ERBB4: variants seen among roughly 807,000 people sequenced by gnomAD.
The protein encoded by ERBB4 is receptor tyrosine-protein kinase erbB-4.
In ERBB4, 42 loss-of-function variants were observed where a neutral mutation model predicts 158.0. That is an observed-to-expected ratio of 0.27 (90% CI 0.21 to 0.34). The LOEUF is 0.34. Among genes scored for constraint, ERBB4 ranks in the 10% least tolerant of loss-of-function variants. ERBB4 has a pLI of 1.00. For missense variants in ERBB4, 1,333 were observed against 1,624.1 expected (o/e 0.82, Z 3.08); for synonymous variants, 583 against 558.7 (o/e 1.04, Z -0.61).
At chr2:211,502,614 G>A (rs1255928499) in intron 20 of ERBB4, among the ~76,000 whole-genome samples, 2 of 152,098 alleles carry the variant, frequency 1.3e-5, no homozygotes, top group East Asian at 3.8e-4. Flanking sequence ...GACTTAGAGA[G>A]TTCTACTGTG....
In ERBB4 at chr2:211,944,223, C is replaced by CAT. The variant is rs775435175; in HGVS notation, c.421+3206_421+3207insAT. On this transcript the variant is annotated intron_variant, in intron 3 of 27. Coordinates refer to ENST00000342788, the MANE Select transcript of ERBB4 (RefSeq NM_005235.3). ...TACTATATATATATATACACACACA[C>CAT]ACAAAAAAAAAGAACACTTAAAGTC... 1.4e-4 allele frequency among the ~76,000 whole-genome samples: 3 copies of CAT among 21,738 alleles called. 1 individual carries two copies. The highest frequency in any genetic ancestry group is 5.0e-4 in the Non-Finnish European group (3 of 6,020). The allele number at this position is 21,738 out of a possible 152,430, so 14.3% of individuals were successfully genotyped here. A position where few individuals can be genotyped will look rare whatever the true frequency, so the allele number is the denominator to read the frequency against.
chr2:212,273,301 TCA>T (rs754599075), intron 1 of ERBB4, among the ~76,000 whole-genome samples: 1 of 151,824 alleles, frequency 6.6e-6, no homozygotes, highest in African/African-American at 2.4e-5. Flanking sequence ...ATACATAATT[TCA>T]CAGTTAGCCC....
chr2:212,084,486 T>C (rs2078542308), intron 2 of ERBB4, among the ~76,000 whole-genome samples: 1 of 151,972 alleles, frequency 6.6e-6, no homozygotes, highest in African/African-American at 2.4e-5. Flanking sequence ...GAAAACACTA[T>C]TGCCTAAATC....
At chr2:211,801,935 A>T (rs1272487175) in intron 3 of ERBB4, among the ~76,000 whole-genome samples, 1 of 152,142 alleles carries the variant, frequency 6.6e-6, no homozygotes, top group Non-Finnish European at 1.5e-5. Context: ...TGCAAGGGAG[A>T]CAAAAAGGAA....
intron 2 of ERBB4, among the ~76,000 whole-genome samples, chr2:212,038,401 T>C (rs1403364754): frequency 6.6e-6 from 1 of 152,118 alleles, no homozygotes; most frequent in Admixed American, 6.6e-5. Flanking sequence ...CCAAGGCTTT[T>C]TACTACAACT....
chr2:211,870,894 T>C (rs1422052200), intron 3 of ERBB4, among the ~76,000 whole-genome samples: 1 of 152,130 alleles, frequency 6.6e-6, no homozygotes, highest in Non-Finnish European at 1.5e-5. Flanking sequence ...GAATTCAATT[T>C]GTTCGTTCAT....
rs2063742388 is a variant in ERBB4 at position 211,431,203 on chromosome 2, T to G, written c.2488-103A>C. The G allele has an allele frequency of 5.0e-6, 5 of 1,007,532 alleles. No individual in the cohort carries two copies. In the South Asian group the frequency reaches 6.9e-5, roughly 14 times the overall value. 62.4% of individuals were successfully genotyped at this position (1,007,532 alleles called of 1,614,324 possible). A position where few individuals can be genotyped will look rare whatever the true frequency, so the allele number is the denominator to read the frequency against. On this transcript the variant is annotated intron_variant, in intron 20 of 27. Transcript: ENST00000342788. Reference sequence around the variant, plus strand: ...CCTTCAGTTGGAAGTGCCTAATTTTTTAAGTGAAGCCAGAATCCTAGAATA... The same window carrying G: ...CCTTCAGTTGGAAGTGCCTAATTTTGTAAGTGAAGCCAGAATCCTAGAATA...
At chr2:212,152,012 T>C (rs1324605055) in intron 1 of ERBB4, among the ~76,000 whole-genome samples, 2 of 152,206 alleles carry the variant, frequency 1.3e-5, no homozygotes, top group Non-Finnish European at 2.9e-5. Context: ...TTATATCTAA[T>C]TGGGATTCTA....
At chr2:212,368,438 CA>C (rs983512935) in intron 1 of ERBB4, among the ~76,000 whole-genome samples, 3 of 152,010 alleles carry the variant, frequency 2.0e-5, no homozygotes, top group African/African-American at 7.2e-5. Context: ...AAGAGTGAGA[CA>C]GGGGCGAGGG....
In ERBB4 at chr2:212,368,698, A is replaced by T. The variant is rs759857346; in HGVS notation, c.82+169751T>A. ...TGTTTCTTCCTTTGTAAAATGATCAAGCTAGGCTAGCTAAATATAAGACAC... is the reference window on the plus strand; with the variant it reads ...TGTTTCTTCCTTTGTAAAATGATCATGCTAGGCTAGCTAAATATAAGACAC... On this transcript the variant is annotated intron_variant, in intron 1 of 27. Coordinates refer to ENST00000342788, the MANE Select transcript of ERBB4 (RefSeq NM_005235.3). Among the ~76,000 whole-genome samples the T allele has an allele frequency of 2.1e-4, 32 of 152,250 alleles. No individual in the cohort carries two copies. In the South Asian group the frequency reaches 3.7e-3, roughly 18 times the overall value.
chr2:211,965,744 T>C lies in ERBB4; in HGVS notation c.235-18128A>G, dbSNP rs1049277474. 1.1e-4 allele frequency among the ~76,000 whole-genome samples: 17 copies of C among 152,176 alleles called. 1 individual carries two copies. Among genetic ancestry groups the C allele is most frequent in the Non-Finnish European group, 2.9e-5 (2 of 68,016 alleles). ...AAAAGAAAATCCTTCTCACAGAACA[T>C]ATTTTATAATTAAGAAGGCCATTGA... On this transcript the variant is annotated intron_variant, in intron 2 of 27. Transcript: ENST00000342788.
chr2:212,173,605 C>T (rs1006826599), intron 1 of ERBB4, among the ~76,000 whole-genome samples: 9 of 152,110 alleles, frequency 5.9e-5, no homozygotes, highest in African/African-American at 1.7e-4. Flanking sequence ...TGAATGCATG[C>T]ACAACACCCC....
At chr2:211,447,276 T>TAATC (rs1427440646) in intron 20 of ERBB4, among the ~76,000 whole-genome samples, 2 of 152,110 alleles carry the variant, frequency 1.3e-5, no homozygotes, top group Non-Finnish European at 2.9e-5. Flanking sequence ...CAGCCTGAAA[T>TAATC]AATCACTGTA....
intron 2 of ERBB4, among the ~76,000 whole-genome samples, chr2:211,957,316 C>T (rs1244347237): frequency 1.3e-5 from 2 of 151,980 alleles, no homozygotes; most frequent in East Asian, 1.9e-4. Flanking sequence ...AGAAAAAAGA[C>T]CATGAGAAAA....
chr2:211,413,349 T>C (rs1438446682), intron 25 of ERBB4, among the ~76,000 whole-genome samples: 25 of 93,088 alleles, frequency 2.7e-4, no homozygotes, highest in African/African-American at 3.7e-4. Flanking sequence ...CACACACACA[T>C]TGATAAAAAA....
chr2:211,477,795 CTT>C (rs1170664985), intron 20 of ERBB4, among the ~76,000 whole-genome samples: 1 of 152,060 alleles, frequency 6.6e-6, no homozygotes, highest in Non-Finnish European at 1.5e-5. Context: ...TCAAAAGTAA[CTT>C]ATTATTGCAT....
At chr2:211,550,958 G>T (rs968310255) in intron 20 of ERBB4, among the ~76,000 whole-genome samples, 1 of 149,980 alleles carries the variant, frequency 6.7e-6, no homozygotes, top group Admixed American at 6.7e-5. Flanking sequence ...TTTTTTGTTG[G>T]GGGACAGGGT....
rs188158997 is a variant in ERBB4, at chr2:211,910,385, G to A, written c.421+37045C>T. ...GATATGAGACCTTTCCCAAGATCAC[G>A]TCCTTTCTCTTCCTGTGTTAGTTTG... On this transcript the variant is annotated intron_variant, in intron 3 of 27. Coordinates refer to ENST00000342788, the MANE Select transcript of ERBB4 (RefSeq NM_005235.3). Among the ~76,000 whole-genome samples, 18 of 146,584 alleles carry A rather than the reference G, an allele frequency of 1.2e-4. No homozygotes were observed. The East Asian group carries it at 3.1e-3, about 25-fold the overall frequency.
intron 2 of ERBB4, among the ~76,000 whole-genome samples, chr2:211,987,854 A>T (rs937345557): frequency 6.6e-6 from 1 of 152,180 alleles, no homozygotes; most frequent in Non-Finnish European, 1.5e-5. Flanking sequence ...ACATTGTAAG[A>T]GGAAGTTTTT....
Sources: gnomAD v4.1 joint callset for allele counts (sites outside exome capture counted in the v4.1 genomes callset) on GRCh38, gnomAD v4.1.1 for gene constraint, MANE v1.5 for transcripts, NCBI Gene and HGNC (gene_info 2026-07-23, HGNC 2026-07-21) for gene names.